SPIDR: variants seen among roughly 807,000 people sequenced by gnomAD.
The protein encoded by SPIDR is DNA repair-scaffolding protein.
Under a neutral mutation model 104.6 loss-of-function variants are expected in SPIDR, and 93 were observed. That is an observed-to-expected ratio of 0.89 (90% CI 0.75 to 1.06). The LOEUF (loss-of-function observed/expected upper bound fraction) is 1.06. Ranked by LOEUF, SPIDR falls within the 50% of genes least tolerant of loss-of-function variation. The pLI is 0.00. For synonymous variants in SPIDR, 431 were observed against 416.9 expected, an observed-to-expected ratio of 1.03 and a Z score of -0.41; for missense variants, 1,154 against 1,111.2, an observed-to-expected ratio of 1.04 and a Z score of -0.55.
At chr8:47,588,067 A>G (rs1310518243) in intron 8 of SPIDR, among the ~76,000 whole-genome samples, 3 of 94,510 alleles carry the variant, frequency 3.2e-5, no homozygotes, top group African/African-American at 1.0e-4. Context: ...ATATATATAT[A>G]TATATATATA....
In SPIDR at chr8:47,370,595, C is replaced by T. The variant is rs1189790449; in HGVS notation, c.526-25781C>T. Among the ~76,000 whole-genome samples, 13 of 151,464 alleles carry T rather than the reference C, an allele frequency of 8.6e-5. 1 individual carries two copies. Among genetic ancestry groups the T allele is most frequent in the South Asian group, 6.3e-4 (3 of 4,794 alleles). ...CCGAGCATCAGGGATTACAGGTGCG[C>T]GCCATCATGTCTGGCTAATTTTTTT... On this transcript the variant is annotated intron_variant, in intron 5 of 19. Transcript: ENST00000297423.
chr8:47,331,473 G>A (rs187273107), intron 5 of SPIDR, among the ~76,000 whole-genome samples: 4 of 152,224 alleles, frequency 2.6e-5, no homozygotes, highest in Admixed American at 1.3e-4. Flanking sequence ...AGTTATTTAT[G>A]TATCTAAGCA....
intron 10 of SPIDR, chr8:47,653,859 CAAAA>C (rs561508290): frequency 2.3e-6 from 1 of 428,780 alleles, no homozygotes; most frequent in Non-Finnish European, 3.0e-6. Flanking sequence ...AACTAAAAGA[CAAAA>C]AAAAAACAAA....
At chr8:47,455,008 A>G (rs1554708911) in intron 8 of SPIDR, among the ~76,000 whole-genome samples, 1 of 152,218 alleles carries the variant, frequency 6.6e-6, no homozygotes, top group African/African-American at 2.4e-5. Flanking sequence ...GCTGAAAGGA[A>G]GAAATACTAA....
chr8:47,321,107 G>A (rs1554594979), intron 5 of SPIDR, among the ~76,000 whole-genome samples: 1 of 152,134 alleles, frequency 6.6e-6, no homozygotes, highest in East Asian at 1.9e-4. Context: ...AATCAGGCAG[G>A]AGAAGGAAAT....
chr8:47,378,991 T>A (rs914270871), intron 5 of SPIDR, among the ~76,000 whole-genome samples: 1 of 152,186 alleles, frequency 6.6e-6, no homozygotes, highest in Non-Finnish European at 1.5e-5. Context: ...AGTGTCCACA[T>A]TGAGTCTTGC....
intron 5 of SPIDR, among the ~76,000 whole-genome samples, chr8:47,354,799 G>A (rs2054207064): frequency 6.6e-6 from 1 of 151,580 alleles, no homozygotes. Context: ...GTACCACCAT[G>A]CCTGGCTAAT....
intron 5 of SPIDR, among the ~76,000 whole-genome samples, chr8:47,362,047 G>T (rs2056099095): frequency 6.6e-6 from 1 of 152,214 alleles, no homozygotes; most frequent in Non-Finnish European, 1.5e-5. Flanking sequence ...GCGTACTGGT[G>T]GCCAGAAGTG....
chr8:47,720,610 C>A (rs1421482334), intron 16 of SPIDR, among the ~76,000 whole-genome samples: 1 of 152,158 alleles, frequency 6.6e-6, no homozygotes, highest in East Asian at 1.9e-4. Flanking sequence ...ATTTGTCAAC[C>A]TCTTTGATGA....
rs539433320 is a variant in SPIDR at position 47,667,161 on chromosome 8, G to A, written c.1545-6640G>A. Among the ~76,000 whole-genome samples, 265 of 152,044 alleles carry A rather than the reference G, an allele frequency of 1.7e-3. 2 individuals carry two copies. Among genetic ancestry groups the A allele is most frequent in the Non-Finnish European group, 2.4e-3 (165 of 67,960 alleles). ...CCGGGTGTGGTGGTGCACGCCTGTA[G>A]TCCCAGCTACTTGGGAGGCTGAGGC... On this transcript the variant is annotated intron_variant, in intron 10 of 19. Transcript: ENST00000297423.
At position 47,397,481 on chromosome 8, in the gene SPIDR, G is replaced by T. The variant is rs559958623; in HGVS notation, c.776+855G>T. Among the ~76,000 whole-genome samples, 6 of 152,254 alleles carry T rather than the reference G, an allele frequency of 3.9e-5. No individual in the cohort carries two copies. The East Asian group carries it at 9.7e-4, about 25-fold the overall frequency. Reference sequence around the variant, plus strand: ...ATTGCACTCCAGCCTGGGCAACAGGGCAAGACTCCGTCTCTAAAAACAACA... The same window carrying T: ...ATTGCACTCCAGCCTGGGCAACAGGTCAAGACTCCGTCTCTAAAAACAACA... On this transcript the variant is annotated intron_variant, in intron 6 of 19. Transcript: ENST00000297423.
Position 47,676,491 on chromosome 8 carries a change from T to C in SPIDR, c.1685+2550T>C, listed in dbSNP as rs537364806. Reference sequence around the variant, plus strand: ...GCTTATTAGTGACATCATCCATCCATGGCCCAGTAAACACAACATTCTCTC... The same window carrying C: ...GCTTATTAGTGACATCATCCATCCACGGCCCAGTAAACACAACATTCTCTC... On this transcript the variant is annotated intron_variant, in intron 11 of 19. Coordinates refer to ENST00000297423, the MANE Select transcript of SPIDR (RefSeq NM_001080394.4). Among the ~76,000 whole-genome samples, 51 of 151,224 alleles carry C rather than the reference T, an allele frequency of 3.4e-4. No individual in the cohort carries two copies. The South Asian group carries it at 4.2e-3, about 12-fold the overall frequency.
chr8:47,360,243 T>C (rs2055534474), intron 5 of SPIDR, among the ~76,000 whole-genome samples: 1 of 8,990 alleles, frequency 1.1e-4, no homozygotes, highest in Non-Finnish European at 2.1e-4. Flanking sequence ...AGACTCCATC[T>C]CAAAAAAAAA....
At chr8:47,380,070 T>TG (rs1360242081) in intron 5 of SPIDR, among the ~76,000 whole-genome samples, 1 of 152,240 alleles carries the variant, frequency 6.6e-6, no homozygotes, top group Non-Finnish European at 1.5e-5. Context: ...CAACCTGTCT[T>TG]GCCTTGGGTC....
chr8:47,367,865 G>T (rs1317051426), intron 5 of SPIDR, among the ~76,000 whole-genome samples: 1 of 152,210 alleles, frequency 6.6e-6, no homozygotes, highest in Non-Finnish European at 1.5e-5. Context: ...GCAGCTGGAG[G>T]AAAGAAGGCA....
chr8:47,685,463 TAGG>T (rs2077630020), intron 11 of SPIDR, among the ~76,000 whole-genome samples: 2 of 150,466 alleles, frequency 1.3e-5, no homozygotes, highest in African/African-American at 2.4e-5. Flanking sequence ...TATCTACCAG[TAGG>T]AGGTCAGTGG....
At chr8:47,352,049 C>G (rs548956718) in intron 5 of SPIDR, among the ~76,000 whole-genome samples, 1 of 152,082 alleles carries the variant, frequency 6.6e-6, no homozygotes, top group African/African-American at 2.4e-5. Flanking sequence ...GAGGCCGAGA[C>G]AGGTGGATCA....
At chr8:47,673,076 A>G (rs536182627) in intron 10 of SPIDR, among the ~76,000 whole-genome samples, 2 of 152,344 alleles carry the variant, frequency 1.3e-5, no homozygotes, top group East Asian at 3.9e-4. Flanking sequence ...TAATTTCTTC[A>G]GGCTCCGTGA....
chr8:47,493,586 G>A (rs2079043500), intron 8 of SPIDR, among the ~76,000 whole-genome samples: 1 of 152,208 alleles, frequency 6.6e-6, no homozygotes, highest in Non-Finnish European at 1.5e-5. Context: ...CCTGATGGCT[G>A]CTGTTGTCCT....
Sources: gnomAD v4.1 joint callset for allele counts (sites outside exome capture counted in the v4.1 genomes callset) on GRCh38, gnomAD v4.1.1 for gene constraint, MANE v1.5 for transcripts, NCBI Gene and HGNC (gene_info 2026-07-23, HGNC 2026-07-21) for gene names.